Variants in BRINP1 observed in about 807,000 individuals in gnomAD.
BRINP1 encodes the protein BMP/retinoic acid inducible neural specific 1.
BRINP1 carries 17 observed loss-of-function variants against 72.9 expected under a neutral mutation model. The observed-to-expected ratio is 0.23, with a 90% CI of 0.16 to 0.35. BRINP1 has a LOEUF of 0.35. Ranked by LOEUF, BRINP1 falls within the 10% of genes least tolerant of loss-of-function variation. The pLI is 1.00. For synonymous variants in BRINP1, 418 were observed against 378.5 expected, an observed-to-expected ratio of 1.10 and a Z score of -1.21; for missense variants, 850 against 1,001.6, an observed-to-expected ratio of 0.85 and a Z score of 2.04.
chr9:119,169,281 G>C (rs574033722), intron 7 of BRINP1, among the ~76,000 whole-genome samples: 1 of 152,346 alleles, frequency 6.6e-6, no homozygotes, highest in Non-Finnish European at 1.5e-5. Context: ...CGCACCGTGC[G>C]CGAGCTGAAG....
rs869281749 is a variant in BRINP1, at chr9:119,361,797, A to ATT, written c.-51+7257_-51+7258dup. ...CATTACGCCCAGCTACAGTTTTTGCATTTTTTTTTTTTTTTTTTTTTTTGG... is the reference window on the plus strand; with the variant it reads ...CATTACGCCCAGCTACAGTTTTTGCATTTTTTTTTTTTTTTTTTTTTTTTTGG... On this transcript the variant is annotated intron_variant, in intron 1 of 7. Transcript: ENST00000265922. 5.7e-3 allele frequency among the ~76,000 whole-genome samples: 367 copies of ATT among 64,466 alleles called. 3 individuals are homozygous for ATT. The highest frequency in any genetic ancestry group is 0.016 in the African/African-American group (249 of 15,846). The allele number at this position is 64,466 out of a possible 152,430, so 42.3% of individuals were successfully genotyped here.
chr9:119,198,312 A>T (rs1829762362), intron 7 of BRINP1, among the ~76,000 whole-genome samples: 1 of 152,180 alleles, frequency 6.6e-6, no homozygotes, highest in South Asian at 2.1e-4. Flanking sequence ...ATGCTTTGCC[A>T]TTTTGCTATG....
At chr9:119,207,305 G>A (rs1829868936) in intron 7 of BRINP1, among the ~76,000 whole-genome samples, 1 of 152,216 alleles carries the variant, frequency 6.6e-6, no homozygotes, top group South Asian at 2.1e-4. Flanking sequence ...CAGTAGAACA[G>A]ACTAGTTAGG....
At chr9:119,195,032 GTTTC>G (rs1480038446) in intron 7 of BRINP1, among the ~76,000 whole-genome samples, 1 of 152,116 alleles carries the variant, frequency 6.6e-6, no homozygotes, top group African/African-American at 2.4e-5. Context: ...AATCTTTTAA[GTTTC>G]TTTCAGGTAC....
At chr9:119,190,011 CAA>C (rs1191072834) in intron 7 of BRINP1, among the ~76,000 whole-genome samples, 2 of 151,758 alleles carry the variant, frequency 1.3e-5, no homozygotes, top group Middle Eastern at 3.4e-3. Context: ...AAATCAGTAA[CAA>C]GAGAAATCTT....
At chr9:119,282,941 C>A in intron 2 of BRINP1, 1 of 985,364 alleles carries the variant, frequency 1.0e-6, no homozygotes, top group Admixed American at 6.1e-5. Context: ...TTCTTTCTCT[C>A]TTCAATGTTA....
intron 7 of BRINP1, among the ~76,000 whole-genome samples, chr9:119,207,032 G>A (rs10818286): frequency 0.26 from 39,356 of 152,134 alleles, 6,431 homozygotes; most frequent in East Asian, 0.55. Context: ...GGAAAACAGA[G>A]ATGAGTTTGA....
chr9:119,229,655 T>C (rs944847320), intron 5 of BRINP1, among the ~76,000 whole-genome samples: 14 of 151,990 alleles, frequency 9.2e-5, no homozygotes, highest in African/African-American at 3.4e-4. Context: ...AGATGTAACA[T>C]CCAAAGCAAT....
intron 7 of BRINP1, among the ~76,000 whole-genome samples, chr9:119,199,583 A>G (rs1225901428): frequency 6.6e-6 from 1 of 152,168 alleles, no homozygotes. Context: ...TCAAAGACCA[A>G]GCATCATCAG....
intron 2 of BRINP1, among the ~76,000 whole-genome samples, chr9:119,298,768 C>T (rs1830908029): frequency 6.6e-6 from 1 of 152,140 alleles, no homozygotes; most frequent in African/African-American, 2.4e-5. Flanking sequence ...CAGTCTCTAA[C>T]TAGTCTATCA....
chr9:119,190,839 A>T (rs1453977776), intron 7 of BRINP1, among the ~76,000 whole-genome samples: 1 of 152,032 alleles, frequency 6.6e-6, no homozygotes, highest in Non-Finnish European at 1.5e-5. Flanking sequence ...CCAGACAAAG[A>T]CACTGCAAAA....
At chr9:119,188,500 C>G (rs1829649578) in intron 7 of BRINP1, among the ~76,000 whole-genome samples, 1 of 152,144 alleles carries the variant, frequency 6.6e-6, no homozygotes, top group African/African-American at 2.4e-5. Flanking sequence ...TGGTGGCTCA[C>G]ATCTGTAATC....
At chr9:119,250,906 A>G (rs1408339527) in intron 2 of BRINP1, among the ~76,000 whole-genome samples, 2 of 152,202 alleles carry the variant, frequency 1.3e-5, no homozygotes, top group Non-Finnish European at 1.5e-5. Flanking sequence ...CTCTCCTGCC[A>G]CAGGATGGGA....
At chr9:119,169,676 C>G (rs972074169) in intron 7 of BRINP1, among the ~76,000 whole-genome samples, 4 of 152,228 alleles carry the variant, frequency 2.6e-5, no homozygotes, top group Non-Finnish European at 5.9e-5. Flanking sequence ...CCTCTGGGGG[C>G]AGGGCACAGA....
At chr9:119,355,185 G>A (rs1026331775) in intron 1 of BRINP1, among the ~76,000 whole-genome samples, 5 of 152,022 alleles carry the variant, frequency 3.3e-5, no homozygotes, top group African/African-American at 9.7e-5. Context: ...ACTACAACCC[G>A]TCACCCAAAG....
chr9:119,183,974 G>T (rs894580090), intron 7 of BRINP1, among the ~76,000 whole-genome samples: 5 of 151,934 alleles, frequency 3.3e-5, no homozygotes, highest in African/African-American at 1.2e-4. Context: ...TCTGACAGGG[G>T]ATTAAAAAGA....
At chr9:119,358,998 T>A (rs1236766272) in intron 1 of BRINP1, among the ~76,000 whole-genome samples, 1 of 152,192 alleles carries the variant, frequency 6.6e-6, no homozygotes, top group East Asian at 1.9e-4. Context: ...TAATACTTTT[T>A]TTCTACATGT....
intron 2 of BRINP1, among the ~76,000 whole-genome samples, chr9:119,271,466 T>G (rs1192217124): frequency 6.6e-6 from 1 of 152,172 alleles, no homozygotes; most frequent in Non-Finnish European, 1.5e-5. Context: ...TTAGAGATTT[T>G]AATGGCCTGA....
intron 1 of BRINP1, among the ~76,000 whole-genome samples, chr9:119,343,570 G>C (rs190360181): frequency 6.6e-6 from 1 of 152,192 alleles, no homozygotes; most frequent in East Asian, 1.9e-4. Flanking sequence ...CTTGTATCTA[G>C]AAGCCCATCT....
Sources: allele counts gnomAD v4.1 joint callset (sites outside exome capture counted in the v4.1 genomes callset), GRCh38; gene constraint gnomAD v4.1.1; transcripts MANE v1.5; gene names NCBI Gene and HGNC (gene_info 2026-07-23, HGNC 2026-07-21).